Variants in PHTF2 observed in about 807,000 individuals in gnomAD.
PHTF2 encodes putative homeodomain transcription factor 2.
A neutral mutation model predicts 101.2 loss-of-function variants in PHTF2; 60 were observed. That is an observed-to-expected ratio of 0.59 (90% CI 0.48 to 0.73). The LOEUF (loss-of-function observed/expected upper bound fraction) is 0.73, where lower values mean the gene tolerates loss of function less well. PHTF2 is among the 30% of genes least tolerant of loss of function. PHTF2 has a pLI of 0.00. For synonymous variants in PHTF2, 311 were observed against 307.3 expected (o/e 1.01, Z -0.13); for missense variants, 747 against 908.7 (o/e 0.82, Z 2.29).
chr7:77,899,180 T>C (rs1417293751), intron 5 of PHTF2, among the ~76,000 whole-genome samples: 1 of 152,164 alleles, frequency 6.6e-6, no homozygotes, highest in South Asian at 2.1e-4. Flanking sequence ...AGACACTGTT[T>C]TAAGCACTAT....
chr7:77,798,787 C>G (rs1302300356), upstream of PHTF2: 2 of 152,356 alleles, frequency 1.3e-5, no homozygotes, highest in Non-Finnish European at 2.9e-5. Flanking sequence ...TCCCTGCCCG[C>G]GCGCAGTGAC....
chr7:77,806,130 G>A (rs945170550), intron 1 of PHTF2, among the ~76,000 whole-genome samples: 2 of 150,426 alleles, frequency 1.3e-5, no homozygotes, highest in Admixed American at 6.6e-5. Flanking sequence ...CAGTGAGATC[G>A]CACCATTGCA....
intron 3 of PHTF2, among the ~76,000 whole-genome samples, chr7:77,865,670 A>G (rs536721466): frequency 1.0e-3 from 157 of 152,238 alleles, no homozygotes; most frequent in African/African-American, 3.6e-3. Flanking sequence ...TATCGCCATT[A>G]TTTCAGGGTC....
chr7:77,893,810 C>G, intron 4 of PHTF2, 146 bp downstream of exon 3: 2 of 628,366 alleles, frequency 3.2e-6, no homozygotes, highest in Non-Finnish European at 2.8e-6. Context: ...ACTTTATTTA[C>G]CATAGTCACG....
intron 14 of PHTF2, 43 bp from the exon 14 acceptor site, chr7:77,940,485 G>T: frequency 2.0e-6 from 3 of 1,509,672 alleles, no homozygotes; most frequent in East Asian, 2.3e-5. Context: ...GTTTTTCTGT[G>T]GTAATCTACT....
intron 7 of PHTF2, among the ~76,000 whole-genome samples, 170 bp downstream of exon 6, chr7:77,902,090 T>A (rs1025112753): frequency 2.6e-5 from 4 of 152,198 alleles, no homozygotes; most frequent in Non-Finnish European, 5.9e-5. Context: ...AAAGCAGTTA[T>A]TTTTCAGTAT....
intron 9 of PHTF2, among the ~76,000 whole-genome samples, chr7:77,914,065 CAAAAA>C (rs777175186): frequency 1.5e-5 from 1 of 68,692 alleles, no homozygotes; most frequent in African/African-American, 5.3e-5. Flanking sequence ...GACTCTGTCT[CAAAAA>C]AAAAAAAAAA....
chr7:77,890,904 CT>C (rs11442975), intron 3 of PHTF2, among the ~76,000 whole-genome samples: 1,109 of 92,938 alleles, frequency 0.012, 3 homozygotes, highest in African/African-American at 0.022. Flanking sequence ...CGCACCCGGC[CT>C]TTTTTTTTTT....
At chr7:77,947,420 C>T (rs147598093) in intron 16 of PHTF2, among the ~76,000 whole-genome samples, 1,783 of 151,194 alleles carry the variant, frequency 0.012, 21 homozygotes, top group Non-Finnish European at 0.019. Flanking sequence ...AAAATTAGCC[C>T]GTCGCGGTGG....
At chr7:77,897,283 A>T (rs1030983853) in intron 5 of PHTF2, among the ~76,000 whole-genome samples, 8 of 132,332 alleles carry the variant, frequency 6.0e-5, no homozygotes, top group African/African-American at 1.9e-4. Context: ...AAACTTAAAC[A>T]GCCCATTTCA....
At chr7:77,951,299 A>G (rs1053298527) in intron 17 of PHTF2, among the ~76,000 whole-genome samples, 2 of 152,298 alleles carry the variant, frequency 1.3e-5, no homozygotes, top group African/African-American at 2.4e-5. Flanking sequence ...AAGAAAAATT[A>G]TAAACTATTG....
At chr7:77,837,220 T>C (rs770625558) in intron 1 of PHTF2, among the ~76,000 whole-genome samples, 1 of 152,160 alleles carries the variant, frequency 6.6e-6, no homozygotes, top group Non-Finnish European at 1.5e-5. Flanking sequence ...TTTTTATGCT[T>C]TTTTCTGTAA....
intron 5 of PHTF2, among the ~76,000 whole-genome samples, chr7:77,896,289 G>T (rs1166646857): frequency 6.6e-6 from 1 of 152,088 alleles, no homozygotes; most frequent in African/African-American, 2.4e-5. Context: ...AATTTATCTG[G>T]CTCACACCTG....
At chr7:77,943,113 T>C (rs1313549434) in intron 16 of PHTF2, among the ~76,000 whole-genome samples, 1 of 149,502 alleles carries the variant, frequency 6.7e-6, no homozygotes, top group African/African-American at 2.5e-5. Context: ...TACTATTCTT[T>C]TCTTTCTTTC....
chr7:77,822,008 A>G (rs1326851484), intron 1 of PHTF2, among the ~76,000 whole-genome samples: 4 of 152,170 alleles, frequency 2.6e-5, no homozygotes, highest in Non-Finnish European at 5.9e-5. Context: ...GCTGTGTCTC[A>G]GGACCTGAGT....
In PHTF2 at chr7:77,859,105, A is replaced by G. The variant is rs1050603111; in HGVS notation, c.147+4271A>G. 2.0e-5 allele frequency among the ~76,000 whole-genome samples: 3 copies of G among 152,074 alleles called. No homozygotes were observed. In the East Asian group the frequency reaches 5.8e-4, roughly 29 times the overall value. Reference sequence around the variant, plus strand: ...TTCCAATCTTCACCTCAATCTTCACATTGCCTTCTTCACACTCTTTCTGTG... The same window carrying G: ...TTCCAATCTTCACCTCAATCTTCACGTTGCCTTCTTCACACTCTTTCTGTG... On this transcript the variant is annotated intron_variant, in intron 3 of 19. Coordinates refer to ENST00000416283, the Ensembl canonical transcript of PHTF2.
At chr7:77,805,564 T>C (rs1196554499) in intron 1 of PHTF2, among the ~76,000 whole-genome samples, 2 of 152,236 alleles carry the variant, frequency 1.3e-5, no homozygotes, top group African/African-American at 2.4e-5. Flanking sequence ...CTCCCCAAAA[T>C]AGTGTTTTGA....
At chr7:77,862,410 T>C (rs1231459195) in intron 3 of PHTF2, among the ~76,000 whole-genome samples, 1 of 152,222 alleles carries the variant, frequency 6.6e-6, no homozygotes, top group African/African-American at 2.4e-5. Flanking sequence ...ATATAGTATA[T>C]AATTTATTTG....
intron 1 of PHTF2, among the ~76,000 whole-genome samples, chr7:77,832,491 C>A (rs1209118085): frequency 1.3e-5 from 2 of 152,140 alleles, no homozygotes; most frequent in East Asian, 3.8e-4. Flanking sequence ...ATGATGGTGG[C>A]CTTAAAAGTA....
Sources: gnomAD v4.1 joint callset for allele counts (sites outside exome capture counted in the v4.1 genomes callset) on GRCh38, gnomAD v4.1.1 for gene constraint, MANE v1.5 for transcripts, NCBI Gene and HGNC (gene_info 2026-07-23, HGNC 2026-07-21) for gene names.